The following PGM5 variants were observed in gnomAD, a reference collection of about 807,000 sequenced individuals.
PGM5 encodes the protein phosphoglucomutase 5.
A neutral mutation model predicts 59.2 loss-of-function variants in PGM5; 23 were observed. That is an observed-to-expected ratio of 0.39 (90% CI 0.28 to 0.55). PGM5 has a LOEUF of 0.55. Among genes scored for constraint, PGM5 ranks in the 20% least tolerant of loss-of-function variants. The pLI, the probability that PGM5 is intolerant of heterozygous loss-of-function variation, is 0.66. For synonymous variants in PGM5, 214 were observed against 286.0 expected (o/e 0.75, Z 2.54); for missense variants, 574 against 748.3 (o/e 0.77, Z 2.72).
At chr9:68,446,462 A>G (rs1823613532) in intron 6 of PGM5, among the ~76,000 whole-genome samples, 1 of 152,178 alleles carries the variant, frequency 6.6e-6, no homozygotes, top group Admixed American at 6.5e-5. Flanking sequence ...AGGGAGAAGA[A>G]CTCTTTGTAG....
At chr9:68,492,666 G>A (rs1451558630) in intron 9 of PGM5, among the ~76,000 whole-genome samples, 2 of 152,096 alleles carry the variant, frequency 1.3e-5, no homozygotes, top group African/African-American at 2.4e-5. Context: ...GGGTAGAGGG[G>A]GGCACCTGTT....
rs181662762 is a variant in PGM5, at chr9:68,382,350, A to G, written c.425-2048A>G. On this transcript the variant is annotated intron_variant, in intron 2 of 10. Transcript: ENST00000396396. ...TGAAATTGGACCCTTATCTTACACT[A>G]TACACAGAAATAAAATGAATAAAGA... is the stretch of plus-strand genomic sequence containing the variant. Among the ~76,000 whole-genome samples the G allele has an allele frequency of 2.0e-3, 307 of 151,900 alleles. 2 individuals carry two copies. Among genetic ancestry groups the G allele is most frequent in the African/African-American group, 7.0e-3 (289 of 41,536 alleles).
intron 7 of PGM5, among the ~76,000 whole-genome samples, chr9:68,470,557 A>G (rs1262053294): frequency 6.6e-6 from 1 of 152,210 alleles, no homozygotes; most frequent in Non-Finnish European, 1.5e-5. Flanking sequence ...TTACTATTTT[A>G]TATTCCTCAA....
chr9:68,485,741 G>A (rs1338795428), intron 9 of PGM5, among the ~76,000 whole-genome samples: 1 of 152,150 alleles, frequency 6.6e-6, no homozygotes, highest in Non-Finnish European at 1.5e-5. Flanking sequence ...CTGCTCTTGG[G>A]AATTTTTCTG....
chr9:68,486,086 A>C (rs1448020947), intron 9 of PGM5, among the ~76,000 whole-genome samples: 1 of 152,240 alleles, frequency 6.6e-6, no homozygotes, highest in Non-Finnish European at 1.5e-5. Context: ...ATAGTGCAAA[A>C]TAAGCATACT....
Position 68,529,549 on chromosome 9 carries a change from T to A in PGM5, c.1615-18T>A. ...AACTGACTTGAGTTGTTCACAGACT[T>A]TCCTTTTCCTTTTGCAGGCAGTGCT... On this transcript the variant is annotated intron_variant, in intron 10 of 10. Coordinates refer to ENST00000396396, the MANE Select transcript of PGM5 (RefSeq NM_021965.4). The A allele has an allele frequency of 6.4e-7, 1 of 1,561,248 alleles. No individual in the cohort carries two copies. Among genetic ancestry groups the A allele is most frequent in the Non-Finnish European group, 8.8e-7 (1 of 1,142,746 alleles).
chr9:68,467,760 T>G (rs1166042526), intron 7 of PGM5, among the ~76,000 whole-genome samples: 1 of 152,192 alleles, frequency 6.6e-6, no homozygotes, highest in East Asian at 1.9e-4. Context: ...TGCTTTGATT[T>G]TGATGCTGCT....
At chr9:68,413,278 A>T (rs1344555570) in intron 6 of PGM5, among the ~76,000 whole-genome samples, 1 of 152,070 alleles carries the variant, frequency 6.6e-6, no homozygotes, top group South Asian at 2.1e-4. Context: ...CGAGTGTAAC[A>T]GTTCTCACCC....
chr9:68,502,711 A>G (rs1286796527), intron 10 of PGM5, among the ~76,000 whole-genome samples: 1 of 151,798 alleles, frequency 6.6e-6, no homozygotes, highest in Non-Finnish European at 1.5e-5. Flanking sequence ...GTTTTTTGAG[A>G]GGAAGTCTCA....
intron 6 of PGM5, among the ~76,000 whole-genome samples, chr9:68,416,631 A>G (rs1377113473): frequency 1.3e-5 from 2 of 152,222 alleles, no homozygotes; most frequent in Non-Finnish European, 2.9e-5. Context: ...GACATTTTAA[A>G]GCCTCAACAA....
chr9:68,517,954 G>A (rs1824846655), intron 10 of PGM5, among the ~76,000 whole-genome samples: 2 of 152,224 alleles, frequency 1.3e-5, no homozygotes, highest in African/African-American at 4.8e-5. Context: ...TCTAGGAGAG[G>A]TACTAAAGAA....
At chr9:68,432,094 C>G (rs1359292198) in intron 6 of PGM5, among the ~76,000 whole-genome samples, 2 of 152,068 alleles carry the variant, frequency 1.3e-5, no homozygotes, top group African/African-American at 4.8e-5. Flanking sequence ...AATCCCTCTT[C>G]CTATACAGAA....
chr9:68,501,480 C>T (rs541868419), intron 10 of PGM5, among the ~76,000 whole-genome samples: 2 of 152,336 alleles, frequency 1.3e-5, no homozygotes, highest in South Asian at 2.1e-4. Flanking sequence ...GGGCTCCTTA[C>T]AGGGTTGCTT....
chr9:68,447,813 A>C (rs1823637667), intron 6 of PGM5, among the ~76,000 whole-genome samples: 1 of 152,194 alleles, frequency 6.6e-6, no homozygotes, highest in Admixed American at 6.5e-5. Flanking sequence ...CTGGAATTGG[A>C]CAGGACAGGG....
chr9:68,518,218 T>C (rs968427196), intron 10 of PGM5, among the ~76,000 whole-genome samples: 1 of 152,216 alleles, frequency 6.6e-6, no homozygotes, highest in African/African-American at 2.4e-5. Flanking sequence ...CCAAAGGTGG[T>C]ATACAGACTG....
intron 6 of PGM5, among the ~76,000 whole-genome samples, chr9:68,417,732 T>C (rs1823058910): frequency 6.6e-6 from 1 of 152,218 alleles, no homozygotes; most frequent in Non-Finnish European, 1.5e-5. Flanking sequence ...GCTGAGGCCT[T>C]ACTCCTTTTC....
chr9:68,520,283 G>A (rs1293775753), intron 10 of PGM5, among the ~76,000 whole-genome samples: 2 of 150,906 alleles, frequency 1.3e-5, no homozygotes, highest in Non-Finnish European at 2.9e-5. Flanking sequence ...TCTTCAAACT[G>A]ATAAAAGAGT....
chr9:68,465,942 T>C (rs1823927489), intron 7 of PGM5, among the ~76,000 whole-genome samples: 1 of 152,212 alleles, frequency 6.6e-6, no homozygotes, highest in East Asian at 1.9e-4. Flanking sequence ...TAACCCTATG[T>C]GGGATTCTCT....
Position 68,483,989 on chromosome 9 carries a change from G to T in PGM5, c.1420G>T (p.Ala474Ser), listed in dbSNP as rs782514355. Residue 474 changes from alanine to serine, a missense_variant, in exon 9 of 11, where the codon GCG becomes TCG. This residue lies in a region of PGM5 where 300 missense variants were observed against 280.0 expected (regional missense o/e 1.07). Transcript: ENST00000396396. ...TGTGGGGAGCCATGTCTACAGCGTG[G>T]CGAAGACGGATAGTTTTGAATACGT... is the stretch of plus-strand genomic sequence containing the variant. ...FAVGSHVYSV[A>S]KTDSFEYVDP... 1 of 1,614,094 alleles carries T rather than the reference G, an allele frequency of 6.2e-7. No individual in the cohort carries two copies. The highest frequency in any genetic ancestry group is 1.1e-5 in the South Asian group (1 of 91,078).
Sources: allele counts gnomAD v4.1 joint callset (sites outside exome capture counted in the v4.1 genomes callset), GRCh38; gene constraint gnomAD v4.1.1; regional missense constraint gnomAD v4.1.1; transcripts MANE v1.5; gene names NCBI Gene and HGNC (gene_info 2026-07-23, HGNC 2026-07-21).